CFAP46: variants seen among roughly 807,000 people sequenced by gnomAD.
CFAP46 encodes the protein cilia and flagella associated protein 46.
In CFAP46, 245 loss-of-function variants were observed where a neutral mutation model predicts 325.7. The ratio of observed to expected loss-of-function variants is 0.75; its 90% CI spans 0.68 to 0.84. The LOEUF (loss-of-function observed/expected upper bound fraction) is 0.84. Ranked by LOEUF, CFAP46 falls within the 40% of genes least tolerant of loss-of-function variation. The pLI, the probability that CFAP46 is intolerant of heterozygous loss-of-function variation, is 0.00. For missense variants in CFAP46, 3,346 were observed against 3,543.0 expected, an observed-to-expected ratio of 0.94 and a Z score of 1.41; for synonymous variants, 1,523 against 1,495.9, an observed-to-expected ratio of 1.02 and a Z score of -0.42.
chr10:132,892,171 C>T (rs899102415), intron 25 of CFAP46, among the ~76,000 whole-genome samples, 162 bp downstream of exon 25: 11 of 152,322 alleles, frequency 7.2e-5, no homozygotes, highest in South Asian at 6.2e-4. Flanking sequence ...AGCACTCAGG[C>T]GCCTGGCATG....
intron 50 of CFAP46, among the ~76,000 whole-genome samples, chr10:132,818,678 C>T (rs556213826): frequency 2.0e-4 from 30 of 152,170 alleles, no homozygotes; most frequent in Non-Finnish European, 3.5e-4. Flanking sequence ...CATAGCCAAA[C>T]CCCGTCTCTA....
chr10:132,837,931 A>ATGCACGGATACAGACACGCACGTG (rs1848291470), intron 44 of CFAP46, among the ~76,000 whole-genome samples: 1 of 142,216 alleles, frequency 7.0e-6, no homozygotes, highest in African/African-American at 2.6e-5. Context: ...ACACGCAGAC[A>ATGCACGGATACAGACACGCACGTG]TGCACGGACA....
At chr10:132,941,496 T>A in intron 3 of CFAP46, 95 bp downstream of exon 3, 1 of 1,485,592 alleles carries the variant, frequency 6.7e-7, no homozygotes, top group Non-Finnish European at 9.1e-7. Flanking sequence ...TCTACTACCC[T>A]AAGAACGATT....
At chr10:132,864,900 C>T (rs1434157254) in intron 35 of CFAP46, among the ~76,000 whole-genome samples, 5 of 126,818 alleles carry the variant, frequency 3.9e-5, no homozygotes, top group South Asian at 3.0e-4. Context: ...CACACACCTG[C>T]CCTCAGTGCC....
rs1848254014 is a variant in CFAP46 at position 132,836,683 on chromosome 10, C to G, written c.6536+134G>C. 4 of 754,988 alleles carry G rather than the reference C, an allele frequency of 5.3e-6. No individual in the cohort carries two copies. In the South Asian group the frequency reaches 6.6e-5, roughly 12 times the overall value. The allele number at this position is 754,988 out of a possible 1,614,324, so 46.8% of individuals were successfully genotyped here. On this transcript the variant is annotated intron_variant, in intron 45 of 57. Coordinates refer to ENST00000368586, the MANE Select transcript of CFAP46 (RefSeq NM_001200049.3). ...GTGTCTGTCCGGCACCTTCTTGGGACTGTCCGGGCGTTTCCCGAGTCCCAG... is the reference window on the plus strand; with the variant it reads ...GTGTCTGTCCGGCACCTTCTTGGGAGTGTCCGGGCGTTTCCCGAGTCCCAG...
intron 39 of CFAP46, among the ~76,000 whole-genome samples, chr10:132,856,907 CG>C (rs929505670): frequency 6.6e-6 from 1 of 152,166 alleles, no homozygotes; most frequent in Non-Finnish European, 1.5e-5. Flanking sequence ...GGCTCTGTTC[CG>C]GGACAGTTAT....
At chr10:132,932,933 G>T (rs939582964) in intron 8 of CFAP46, among the ~76,000 whole-genome samples, 35 of 152,258 alleles carry the variant, frequency 2.3e-4, no homozygotes, top group African/African-American at 8.2e-4. Flanking sequence ...CCTGTCCATT[G>T]TGTCCCTGCA....
rs1188215760 is a variant in CFAP46, at chr10:132,889,556, G to T, written c.3304+2777C>A. On this transcript the variant is annotated intron_variant, in intron 25 of 57. Coordinates refer to ENST00000368586, the MANE Select transcript of CFAP46 (RefSeq NM_001200049.3). The surrounding 1 kb of genome is among the most constrained non-coding windows in gnomAD (Gnocchi z 6.0). ...CAATGAACTTGGAAACCACACATAG[G>T]GTCGCAGGGAGTCCTCTTCAATCCT... Among the ~76,000 whole-genome samples the T allele has an allele frequency of 6.6e-6, 1 of 152,162 alleles. No homozygotes were observed. The highest frequency in any genetic ancestry group is 2.4e-5 in the African/African-American group (1 of 41,430).
chr10:132,899,601 A>G lies in CFAP46; in HGVS notation c.2990T>C (p.Met997Thr). The change falls in exon 23 of 58, where the codon ATG becomes ACG. Residue 997 changes from methionine to threonine, a missense_variant. Transcript: ENST00000368586. ...CTGCTTCCGGCCCTTCAGGTTTTCCATGATGCTCCTGCCCTGGATGGCCGT... is the reference window on the plus strand; with the variant it reads ...CTGCTTCCGGCCCTTCAGGTTTTCCGTGATGCTCCTGCCCTGGATGGCCGT... ...TATAIQGRSI[M>T]ENLKGRKQLR... The G allele has an allele frequency of 1.3e-6, 2 of 1,550,062 alleles. No individual in the cohort carries two copies. Among genetic ancestry groups the G allele is most frequent in the African/African-American group, 1.4e-5 (1 of 73,122 alleles).
At position 132,814,601 on chromosome 10, in the gene CFAP46, G is replaced by T; in HGVS notation, c.7261C>A (p.Pro2421Thr). 1 of 1,573,906 alleles carries T rather than the reference G, an allele frequency of 6.4e-7. No homozygotes were observed. ...DSDNFKFVVD[P>T]YEEAQGPEML... is the part of the protein sequence containing the mutation. ...CCTGGGCCCTGGGCCTCCTCGTATG[G>T]GTCCACGACGACTGGGTCCCGGTCA... Residue 2421 changes from proline (P) to threonine (T), a missense_variant, in exon 53 of 58, where the codon CCA becomes ACA. Transcript: ENST00000368586.
In CFAP46 at chr10:132,850,163, T is replaced by A; in HGVS notation, c.5952+81A>T. 2.9e-6 allele frequency: 4 copies of A among 1,383,002 alleles called. No individual in the cohort carries two copies. In the South Asian group the frequency reaches 5.2e-5, roughly 18 times the overall value. 85.7% of individuals were successfully genotyped at this position (1,383,002 alleles called of 1,614,324 possible). A position where few individuals can be genotyped will look rare whatever the true frequency, so the allele number is the denominator to read the frequency against. The stretch of plus-strand genomic sequence containing the variant: ...GGGGCCACTGCTGCAATCACAGGAG[T>A]CCTAAACACTTCGCTTGTGTTTTTC... On this transcript the variant is annotated intron_variant, in intron 41 of 57. Coordinates refer to ENST00000368586, the MANE Select transcript of CFAP46 (RefSeq NM_001200049.3).
At position 132,815,047 on chromosome 10, in the gene CFAP46, G is replaced by C. The variant is rs555395163; in HGVS notation, c.7118-133C>G. ...AAAAAACAAGTTGTGAGAACAAGCGGTTTTAATTTGTGTAAAGTTGACGTG... is the reference window on the plus strand; with the variant it reads ...AAAAAACAAGTTGTGAGAACAAGCGCTTTTAATTTGTGTAAAGTTGACGTG... On this transcript the variant is annotated intron_variant, in intron 50 of 57. Transcript: ENST00000368586. The C allele has an allele frequency of 1.6e-5, 13 of 827,082 alleles. No individual in the cohort carries two copies. In the East Asian group the frequency reaches 3.2e-4, roughly 20 times the overall value. The allele number at this position is 827,082 out of a possible 1,614,324, so 51.2% of individuals were successfully genotyped here.
rs60514588 is a variant in CFAP46 at position 132,832,388 on chromosome 10, G to GCCCCCC, written c.7117+964_7117+969dup. 9.4e-6 allele frequency among the ~76,000 whole-genome samples: 1 copy of GCCCCCC among 106,048 alleles called. No homozygotes were observed. Among genetic ancestry groups the GCCCCCC allele is most frequent in the African/African-American group, 4.0e-5 (1 of 24,994 alleles). 69.6% of individuals were successfully genotyped at this position (106,048 alleles called of 152,430 possible). The stretch of plus-strand genomic sequence containing the variant: ...TTGCGGAGACCCCTGGGCTCTTCCT[G>GCCCCCC]CCCCCCCCCCCCAATGCTGTGGCCT... On this transcript the variant is annotated intron_variant, in intron 50 of 57. Transcript: ENST00000368586. This position sits in a 1 kb window ranked among gnomAD's most constrained non-coding sequence, Gnocchi z 4.1.
At chr10:132,892,446 T>C (rs1035078737) in intron 24 of CFAP46, 29 bp from the exon 25 acceptor site, 3 of 1,545,256 alleles carry the variant, frequency 1.9e-6, no homozygotes, top group African/African-American at 1.4e-5. Flanking sequence ...ACGACACGTA[T>C]ATTTGAAAGT....
chr10:132,857,744 T>A lies in CFAP46; in HGVS notation c.5420A>T (p.Tyr1807Phe), dbSNP rs1321809481. The A allele has an allele frequency of 6.3e-7, 1 of 1,593,986 alleles. No homozygotes were observed. The part of the protein sequence containing the change: ...NEKDEEQKTA[Y>F]YLEAYGLAQG... ...GGCCAGGCCATACGCTTCCAAGTAA[T>A]ACGCAGTTTTTTGTTCTTCATCTTT... The change falls in exon 39 of 58, where the codon TAT becomes TTT. Residue 1807 changes from tyrosine to phenylalanine, a missense_variant. Coordinates refer to ENST00000368586, the MANE Select transcript of CFAP46 (RefSeq NM_001200049.3).
intron 50 of CFAP46, among the ~76,000 whole-genome samples, chr10:132,825,386 T>C (rs910362611): frequency 6.6e-6 from 1 of 152,156 alleles, no homozygotes; most frequent in Non-Finnish European, 1.5e-5. Flanking sequence ...GTGGAGCTCA[T>C]GTTAGCATTT....
intron 55 of CFAP46, among the ~76,000 whole-genome samples, chr10:132,811,482 G>A (rs1200270399): frequency 2.6e-5 from 4 of 152,212 alleles, no homozygotes; most frequent in Non-Finnish European, 4.4e-5. Flanking sequence ...CCTGTGTAGT[G>A]GAGACATGGC....
In CFAP46 at chr10:132,908,563, G is replaced by A. The variant is rs1189202709; in HGVS notation, c.2829C>T (p.Thr943=). The part of the protein sequence containing the change: ...LVELQTLTRL[T]HFAHAARDHE... The stretch of plus-strand genomic sequence containing the variant: ...GGTCACGCGCTGCATGGGCGAAGTG[G>A]GTCAGCCGCGTCAGGGTCTGCAGCT... Residue 943 remains threonine, a synonymous_variant, in exon 22 of 58, where the codon ACC becomes ACT. Coordinates refer to ENST00000368586, the MANE Select transcript of CFAP46 (RefSeq NM_001200049.3). 2 of 1,550,398 alleles carry A rather than the reference G, an allele frequency of 1.3e-6. No homozygotes were observed. Among genetic ancestry groups the A allele is most frequent in the African/African-American group, 1.4e-5 (1 of 73,174 alleles).
intron 50 of CFAP46, among the ~76,000 whole-genome samples, chr10:132,823,090 T>C (rs1339033306): frequency 6.9e-6 from 1 of 144,108 alleles, no homozygotes; most frequent in African/African-American, 2.6e-5. Flanking sequence ...TGCTGATGTG[T>C]GCTTTGTATG....
Sources: allele counts gnomAD v4.1 joint callset (sites outside exome capture counted in the v4.1 genomes callset), GRCh38; gene constraint gnomAD v4.1.1; non-coding constraint Gnocchi (gnomAD v3.1); transcripts MANE v1.5; gene names NCBI Gene and HGNC (gene_info 2026-07-23, HGNC 2026-07-21).